KPNA6: variants seen among roughly 807,000 people sequenced by gnomAD.
The protein encoded by KPNA6 is importin subunit alpha-7.
In KPNA6, 9 loss-of-function variants were observed where a neutral mutation model predicts 72.0. The ratio of observed to expected loss-of-function variants is 0.13; its 90% confidence interval spans 0.08 to 0.22. KPNA6 has a LOEUF of 0.22. Ranked by LOEUF, KPNA6 falls within the 10% of genes least tolerant of loss-of-function variation. KPNA6 has a pLI of 1.00. For synonymous variants in KPNA6, 219 were observed against 242.1 expected, an observed-to-expected ratio of 0.90 and a Z score of 0.89; for missense variants, 374 against 655.7, an observed-to-expected ratio of 0.57 and a Z score of 4.69.
At chr1:32,158,965 G>C (rs1415955467) in intron 5 of KPNA6, among the ~76,000 whole-genome samples, 1 of 152,202 alleles carries the variant, frequency 6.6e-6, no homozygotes, top group Non-Finnish European at 1.5e-5. Flanking sequence ...TCTTGTTTCA[G>C]AGATGGGTGA....
At chr1:32,151,304 G>A (rs1371858896) in intron 1 of KPNA6, among the ~76,000 whole-genome samples, 1 of 152,082 alleles carries the variant, frequency 6.6e-6, no homozygotes, top group Non-Finnish European at 1.5e-5. Flanking sequence ...TCTCTACTAT[G>A]CCCTAAGTGA....
At chr1:32,160,841 A>G (rs1052311866) in intron 7 of KPNA6, 138 bp downstream of exon 7, 8 of 651,118 alleles carry the variant, frequency 1.2e-5, no homozygotes, top group Non-Finnish European at 2.3e-5. Flanking sequence ...TGCCAAAGTA[A>G]AAGATAGGTA....
chr1:32,126,288 A>AC (rs1257552786), intron 1 of KPNA6, among the ~76,000 whole-genome samples: 15 of 56,440 alleles, frequency 2.7e-4, no homozygotes, highest in Middle Eastern at 0.011. Context: ...ATGCTTCCCC[A>AC]CCCCCCCACC....
At chr1:32,121,396 AT>A (rs1368252545) in intron 1 of KPNA6, among the ~76,000 whole-genome samples, 1 of 152,168 alleles carries the variant, frequency 6.6e-6, no homozygotes, top group East Asian at 1.9e-4. Flanking sequence ...AAATTTGTGC[AT>A]TTTGAGGATT....
intron 1 of KPNA6, among the ~76,000 whole-genome samples, chr1:32,125,782 G>T (rs1351818382): frequency 6.6e-6 from 1 of 151,960 alleles, no homozygotes; most frequent in Admixed American, 6.6e-5. Context: ...ATTTTAGAAA[G>T]GCATTATGGT....
chr1:32,116,193 T>TC (rs1393740544), intron 1 of KPNA6, among the ~76,000 whole-genome samples: 5 of 151,130 alleles, frequency 3.3e-5, no homozygotes, highest in South Asian at 4.2e-4. Flanking sequence ...TCTTTTCTTT[T>TC]TTTTTTTTTT....
At chr1:32,126,802 T>C (rs892005771) in intron 1 of KPNA6, among the ~76,000 whole-genome samples, 5 of 152,132 alleles carry the variant, frequency 3.3e-5, no homozygotes, top group African/African-American at 1.2e-4. Context: ...CCCCTGGTCA[T>C]TGGTTCCTTA....
At chr1:32,167,118 A>G (rs1300650966) in intron 11 of KPNA6, 51 bp from the exon 12 acceptor site, 1 of 1,598,882 alleles carries the variant, frequency 6.3e-7, no homozygotes, top group Non-Finnish European at 8.6e-7. Context: ...TTTATTTATC[A>G]TGCTGAAATG....
Position 32,173,100 on chromosome 1 carries a change from C to G in KPNA6, c.*2206C>G, listed in dbSNP as rs968158114. 1.0e-5 allele frequency: 4 copies of G among 395,360 alleles called. No homozygotes were observed. The highest frequency in any genetic ancestry group is 8.5e-5 in the African/African-American group (4 of 47,250). The allele number at this position is 395,360 out of a possible 1,614,324, so 24.5% of individuals were successfully genotyped here. A position where few individuals can be genotyped will look rare whatever the true frequency, so the allele number is the denominator to read the frequency against. ...TGATGGCTGCCAACTCCCAATCTCC[C>G]AGGAAGGCAGGGGGCAGAATCTTTT... On this transcript the variant is annotated 3_prime_UTR_variant, in exon 14 of 14. Transcript: ENST00000373625.
rs58200020 is a variant in KPNA6, at chr1:32,164,563, G to GT, written c.990+1260dup. ...TGTTATTTTCCGTTTTTTGTTTTTT[G>GT]TTTTTTTTTTGATAATACCCACCCT... On this transcript the variant is annotated intron_variant, in intron 10 of 13. Transcript: ENST00000373625. 9.2e-3 allele frequency among the ~76,000 whole-genome samples: 1,338 copies of GT among 145,410 alleles called. 5 individuals are homozygous for GT. The highest frequency in any genetic ancestry group is 0.011 in the Non-Finnish European group (741 of 65,568).
chr1:32,162,738 G>A (rs1642261409), intron 9 of KPNA6, among the ~76,000 whole-genome samples: 1 of 152,092 alleles, frequency 6.6e-6, no homozygotes, highest in Non-Finnish European at 1.5e-5. Flanking sequence ...GGGAGGCTGA[G>A]GCAGGAGAAT....
At chr1:32,137,899 C>G (rs1641766018) in intron 1 of KPNA6, among the ~76,000 whole-genome samples, 1 of 152,174 alleles carries the variant, frequency 6.6e-6, no homozygotes. Flanking sequence ...CATTTGGAGG[C>G]TGAGGCAGGC....
At chr1:32,158,952 G>A (rs1374825885) in intron 5 of KPNA6, among the ~76,000 whole-genome samples, 3 of 152,178 alleles carry the variant, frequency 2.0e-5, no homozygotes. Flanking sequence ...GCCTCTCTGG[G>A]TCTCTTGTTT....
chr1:32,155,703 ATTATTTATTTATTTATTTAT>A (rs150358147), intron 2 of KPNA6, among the ~76,000 whole-genome samples: 4 of 146,118 alleles, frequency 2.7e-5, no homozygotes, highest in African/African-American at 7.7e-5. Context: ...CCTGATTATT[ATTATTTATTTATTTATTTAT>A]TTATTTATTT....
intron 4 of KPNA6, 105 bp downstream of exon 4, chr1:32,157,550 C>A: frequency 1.3e-6 from 1 of 764,842 alleles, no homozygotes; most frequent in Non-Finnish European, 2.2e-6. Flanking sequence ...TGCTCTAGCC[C>A]TACTGACCTT....
chr1:32,156,849 T>C lies in KPNA6; in HGVS notation c.139-4T>C, dbSNP rs746943852. On this transcript the variant is annotated splice_polypyrimidine_tract_variant and splice_region_variant and intron_variant, in intron 2 of 13. Coordinates refer to ENST00000373625, the MANE Select transcript of KPNA6 (RefSeq NM_012316.5). Reference sequence around the variant, plus strand: ...ACTCTTAACCACTGTCTCTTTACTTTCAGCTTTTTAAACGGAGAAATGTGG... The same window carrying C: ...ACTCTTAACCACTGTCTCTTTACTTCCAGCTTTTTAAACGGAGAAATGTGG... The C allele has an allele frequency of 1.9e-6, 3 of 1,612,070 alleles. No homozygotes were observed. Among genetic ancestry groups the C allele is most frequent in the Non-Finnish European group, 2.5e-6 (3 of 1,178,182 alleles).
chr1:32,156,913 C>T lies in KPNA6; in HGVS notation c.199C>T (p.Leu67Phe). Residue 67 changes from leucine (L) to phenylalanine (F), a missense_variant, in exon 3 of 14, where the codon CTC becomes TTC. This residue lies in a region of KPNA6 where 298 missense variants were observed against 495.4 expected (regional missense o/e 0.60). Transcript: ENST00000373625. The stretch of plus-strand genomic sequence containing the variant: ...AGAAGCTGCCATGTTCGATAGTCTT[C>T]TCATGGACTCTTATGTGAGCTCTAC... Reference protein sequence around the residue: ...NEEAAMFDSLLMDSYVSSTTG... With the variant: ...NEEAAMFDSLFMDSYVSSTTG... 6.2e-7 allele frequency: 1 copy of T among 1,614,038 alleles called. No individual in the cohort carries two copies. Among genetic ancestry groups the T allele is most frequent in the Non-Finnish European group, 8.5e-7 (1 of 1,179,924 alleles).
At chr1:32,166,005 AAAAC>A (rs1272517656) in intron 10 of KPNA6, 96 bp from the exon 11 acceptor site, 31 of 1,377,540 alleles carry the variant, frequency 2.3e-5, no homozygotes, top group South Asian at 1.7e-4. Flanking sequence ...CTCAAAAAAA[AAAAC>A]AAAAACAACA....
chr1:32,114,607 C>T (rs965247037), intron 1 of KPNA6, among the ~76,000 whole-genome samples: 7 of 152,086 alleles, frequency 4.6e-5, no homozygotes, highest in Admixed American at 2.0e-4. Context: ...TTGACTTCAA[C>T]TTAAAGGCCC....
Sources: gnomAD v4.1 joint callset for allele counts (sites outside exome capture counted in the v4.1 genomes callset) on GRCh38, gnomAD v4.1.1 for gene constraint, gnomAD v4.1.1 regional missense constraint, MANE v1.5 for transcripts, NCBI Gene and HGNC (gene_info 2026-07-23, HGNC 2026-07-21) for gene names.